DGKG: variants seen among roughly 807,000 people sequenced by gnomAD.
DGKG encodes the protein DAG kinase gamma.
DGKG carries 78 observed loss-of-function variants against 105.3 expected under a neutral mutation model. That is an observed-to-expected ratio of 0.74 (90% CI 0.62 to 0.89). DGKG has a LOEUF of 0.89. Ranked by LOEUF, DGKG falls within the 40% of genes least tolerant of loss-of-function variation. The pLI, the probability that DGKG is intolerant of heterozygous loss-of-function variation, is 0.00. For synonymous variants in DGKG, 346 were observed against 367.1 expected (o/e 0.94, Z 0.66); for missense variants, 958 against 1,020.1 (o/e 0.94, Z 0.83).
At chr3:186,321,930 C>T (rs920632504) in intron 1 of DGKG, among the ~76,000 whole-genome samples, 2 of 152,204 alleles carry the variant, frequency 1.3e-5, no homozygotes, top group Non-Finnish European at 2.9e-5. Context: ...CCAGCCAGCT[C>T]GACTCTGCTC....
Position 186,147,757 on chromosome 3 carries a change from A to G in DGKG, c.*2333T>C, listed in dbSNP as rs1715569290. The G allele has an allele frequency of 1.0e-6, 1 of 985,282 alleles. No homozygotes were observed. Among genetic ancestry groups the G allele is most frequent in the South Asian group, 4.7e-5 (1 of 21,286 alleles). 61.0% of individuals were successfully genotyped at this position (985,282 alleles called of 1,614,324 possible). A position where few individuals can be genotyped will look rare whatever the true frequency, so the allele number is the denominator to read the frequency against. The stretch of plus-strand genomic sequence containing the variant: ...CTCAATCTTGGGGATCATGGCTGAA[A>G]CACATGCACGAACTTCTGTAAATGT... On this transcript the variant is annotated 3_prime_UTR_variant, in exon 25 of 25. Transcript: ENST00000265022.
intron 1 of DGKG, among the ~76,000 whole-genome samples, chr3:186,327,116 A>T (rs955533107): frequency 2.0e-5 from 3 of 152,112 alleles, no homozygotes; most frequent in Non-Finnish European, 2.9e-5. Flanking sequence ...CTGAACTATA[A>T]TTGCACCATT....
intron 3 of DGKG, among the ~76,000 whole-genome samples, chr3:186,301,818 C>T (rs1420066837): frequency 6.6e-6 from 1 of 152,230 alleles, no homozygotes; most frequent in Non-Finnish European, 1.5e-5. Flanking sequence ...CCTGTGTACT[C>T]TCCTAGACCT....
intron 23 of DGKG, among the ~76,000 whole-genome samples, chr3:186,162,302 G>C (rs985096645): frequency 6.6e-6 from 1 of 152,222 alleles, no homozygotes; most frequent in Non-Finnish European, 1.5e-5. Flanking sequence ...CAGAAGTCTG[G>C]GATACAGTGG....
At chr3:186,302,460 C>T (rs1218479804) in intron 3 of DGKG, among the ~76,000 whole-genome samples, 1 of 48,790 alleles carries the variant, frequency 2.0e-5, no homozygotes. Flanking sequence ...GGGAAATGTG[C>T]TATATATATA....
At chr3:186,289,575 G>A (rs1053790193) in intron 5 of DGKG, among the ~76,000 whole-genome samples, 24 of 152,092 alleles carry the variant, frequency 1.6e-4, no homozygotes, top group African/African-American at 5.3e-4. Context: ...AGAAAACTGG[G>A]CACCCCTGTT....
intron 21 of DGKG, among the ~76,000 whole-genome samples, chr3:186,190,197 CCT>C (rs1221465414): frequency 6.6e-6 from 1 of 152,126 alleles, no homozygotes; most frequent in Non-Finnish European, 1.5e-5. Flanking sequence ...ATTTCTCCTC[CCT>C]CTCACACTAC....
chr3:186,327,595 T>A (rs1323260479), intron 1 of DGKG, among the ~76,000 whole-genome samples: 1 of 151,744 alleles, frequency 6.6e-6, no homozygotes, highest in Non-Finnish European at 1.5e-5. Context: ...TAACTTTTTG[T>A]AGAGACAGTG....
intron 1 of DGKG, among the ~76,000 whole-genome samples, chr3:186,330,438 C>T (rs9868277): frequency 3.9e-5 from 6 of 152,258 alleles, no homozygotes; most frequent in Admixed American, 1.3e-4. Flanking sequence ...CCCTTGAGTC[C>T]GGGCTGCACC....
intron 1 of DGKG, among the ~76,000 whole-genome samples, chr3:186,322,703 C>T (rs1401146835): frequency 1.3e-5 from 2 of 152,192 alleles, no homozygotes; most frequent in African/African-American, 4.8e-5. Context: ...GCTGCGGCAG[C>T]CCTGAGCTCT....
chr3:186,356,424 G>A (rs564626579), intron 1 of DGKG, among the ~76,000 whole-genome samples: 15 of 152,288 alleles, frequency 9.8e-5, no homozygotes, highest in Non-Finnish European at 1.9e-4. Flanking sequence ...GGGGGTGTGG[G>A]CAAGTATCGG....
chr3:186,278,125 C>T (rs1177024935), intron 9 of DGKG, among the ~76,000 whole-genome samples: 1 of 152,078 alleles, frequency 6.6e-6, no homozygotes, highest in East Asian at 1.9e-4. Context: ...GGCTCTCCTT[C>T]CTCCTGCCAC....
At chr3:186,256,453 C>A (rs1321510401) in intron 17 of DGKG, among the ~76,000 whole-genome samples, 1 of 152,188 alleles carries the variant, frequency 6.6e-6, no homozygotes, top group African/African-American at 2.4e-5. Flanking sequence ...CACTTCTCAC[C>A]ACCACTCTGT....
chr3:186,243,973 T>C (rs1459439860), intron 19 of DGKG, among the ~76,000 whole-genome samples: 1 of 141,658 alleles, frequency 7.1e-6, no homozygotes, highest in Non-Finnish European at 1.5e-5. Context: ...CTCGTCTCAC[T>C]GCAACCTCTG....
At chr3:186,309,417 T>C (rs1379360612) in intron 2 of DGKG, among the ~76,000 whole-genome samples, 1 of 152,192 alleles carries the variant, frequency 6.6e-6, no homozygotes, top group Non-Finnish European at 1.5e-5. Context: ...AAAGATTTTT[T>C]TGAGTGGTGA....
chr3:186,190,704 GTTAA>G (rs1717865577), intron 21 of DGKG, among the ~76,000 whole-genome samples: 1 of 152,118 alleles, frequency 6.6e-6, no homozygotes, highest in South Asian at 2.1e-4. Flanking sequence ...TTACATTTAT[GTTAA>G]TTAATTTCAT....
chr3:186,310,289 A>AAAAAAAAC (rs1724473778), intron 2 of DGKG, among the ~76,000 whole-genome samples: 1 of 136,368 alleles, frequency 7.3e-6, no homozygotes, highest in African/African-American at 2.7e-5. Context: ...AAAAAAAAAA[A>AAAAAAAAC]CCACACACAC....
intron 20 of DGKG, among the ~76,000 whole-genome samples, chr3:186,217,008 G>GTGCATTT (rs1322255071): frequency 6.6e-6 from 1 of 152,118 alleles, no homozygotes; most frequent in East Asian, 1.9e-4. Flanking sequence ...AAAGTTGTGA[G>GTGCATTT]GCTTATGTGG....
chr3:186,296,408 T>C (rs757070946), intron 5 of DGKG, among the ~76,000 whole-genome samples: 1 of 152,250 alleles, frequency 6.6e-6, no homozygotes, highest in Non-Finnish European at 1.5e-5. Context: ...CTTGAGTTGA[T>C]AGTACTCAGG....
Sources: allele counts gnomAD v4.1 joint callset (sites outside exome capture counted in the v4.1 genomes callset), GRCh38; gene constraint gnomAD v4.1.1; transcripts MANE v1.5; gene names NCBI Gene and HGNC (gene_info 2026-07-23, HGNC 2026-07-21).